Variants in RPS6KA2 observed in about 807,000 individuals in gnomAD.
RPS6KA2 encodes ribosomal protein S6 kinase A2.
In RPS6KA2, 42 loss-of-function variants were observed where a neutral mutation model predicts 91.8. The observed-to-expected ratio is 0.46, with a 90% CI of 0.36 to 0.59. The LOEUF (loss-of-function observed/expected upper bound fraction) is 0.59, where lower values mean the gene tolerates loss of function less well. Ranked by LOEUF, RPS6KA2 falls within the 20% of genes least tolerant of loss-of-function variation. The pLI is 0.00. For synonymous variants in RPS6KA2, 414 were observed against 393.6 expected (o/e 1.05, Z -0.61); for missense variants, 798 against 978.5 (o/e 0.82, Z 2.46).
intron 3 of RPS6KA2, among the ~76,000 whole-genome samples, chr6:166,523,714 G>A (rs997562447): frequency 6.6e-6 from 1 of 152,178 alleles, no homozygotes; most frequent in East Asian, 1.9e-4. Flanking sequence ...GCATATTATG[G>A]AAATACAATC....
At chr6:166,582,205 C>T (rs1483860109) in intron 1 of RPS6KA2, among the ~76,000 whole-genome samples, 1 of 151,636 alleles carries the variant, frequency 6.6e-6, no homozygotes, top group Non-Finnish European at 1.5e-5. Flanking sequence ...GGTGAGATGC[C>T]CATGGGCAGG....
At chr6:166,449,301 G>A (rs1041673717) in intron 13 of RPS6KA2, among the ~76,000 whole-genome samples, 5 of 151,988 alleles carry the variant, frequency 3.3e-5, no homozygotes, top group South Asian at 2.1e-4. Flanking sequence ...CCACCCACCC[G>A]CTCTTAACTA....
chr6:166,680,372 C>A (rs1788754540), intron 2 of RPS6KA2, among the ~76,000 whole-genome samples: 1 of 152,192 alleles, frequency 6.6e-6, no homozygotes, highest in Non-Finnish European at 1.5e-5. Flanking sequence ...ATGGACCAAT[C>A]AGCAGGATGT....
At chr6:166,555,899 T>C (rs1784163983) in intron 1 of RPS6KA2, among the ~76,000 whole-genome samples, 1 of 152,142 alleles carries the variant, frequency 6.6e-6, no homozygotes. Flanking sequence ...TAGAGGATGC[T>C]GCTCTAGGAA....
Position 166,679,292 on chromosome 6 carries a change from T to A in RPS6KA2, c.124-140508A>T, listed in dbSNP as rs1434048196. Among the ~76,000 whole-genome samples the A allele has an allele frequency of 6.2e-5, 9 of 144,026 alleles. 1 individual carries two copies. Among genetic ancestry groups the A allele is most frequent in the African/African-American group, 5.1e-5 (2 of 39,338 alleles). 94.5% of individuals were successfully genotyped at this position (144,026 alleles called of 152,430 possible). A position where few individuals can be genotyped will look rare whatever the true frequency, so the allele number is the denominator to read the frequency against. On this transcript the variant is annotated intron_variant, in intron 2 of 21. Transcript: ENST00000503859. ...AAGATGGCAAAACCCCAACTCTCTT[T>A]AAAAAAAAAAAAAATACAAAAATTA...
chr6:166,716,015 C>T (rs1483158254), intron 2 of RPS6KA2, among the ~76,000 whole-genome samples: 4 of 126,118 alleles, frequency 3.2e-5, no homozygotes, highest in African/African-American at 1.3e-4. Flanking sequence ...TACAGCCTGG[C>T]TGACAGAGTG....
intron 2 of RPS6KA2, among the ~76,000 whole-genome samples, chr6:166,739,723 T>C (rs1790759947): frequency 6.6e-6 from 1 of 152,202 alleles, no homozygotes; most frequent in Non-Finnish European, 1.5e-5. Flanking sequence ...AAGACTCCGG[T>C]GATGGGAGAG....
chr6:166,780,787 C>T (rs989440806), intron 2 of RPS6KA2, among the ~76,000 whole-genome samples: 1 of 152,126 alleles, frequency 6.6e-6, no homozygotes, highest in African/African-American at 2.4e-5. Flanking sequence ...AACTAAGACT[C>T]AGGGCAAAAA....
chr6:166,483,065 A>T (rs1562525477), intron 10 of RPS6KA2, among the ~76,000 whole-genome samples: 4 of 152,286 alleles, frequency 2.6e-5, no homozygotes, highest in African/African-American at 9.6e-5. Flanking sequence ...ATGCCCCAAG[A>T]CTCACAGCCT....
At chr6:166,507,755 C>T (rs1398909873) in intron 5 of RPS6KA2, among the ~76,000 whole-genome samples, 1 of 150,790 alleles carries the variant, frequency 6.6e-6, no homozygotes, top group Non-Finnish European at 1.5e-5. Flanking sequence ...AATCACACGC[C>T]TGACATATAC....
At chr6:166,546,166 C>T (rs1208622744) in intron 1 of RPS6KA2, among the ~76,000 whole-genome samples, 1 of 152,094 alleles carries the variant, frequency 6.6e-6, no homozygotes, top group African/African-American at 2.4e-5. Flanking sequence ...GGGAATGAGA[C>T]GGTAGCTACT....
At chr6:166,569,571 T>G (rs1405973453) in intron 1 of RPS6KA2, among the ~76,000 whole-genome samples, 2 of 152,124 alleles carry the variant, frequency 1.3e-5, no homozygotes, top group Admixed American at 6.5e-5. Flanking sequence ...CCTCTTGCCT[T>G]CTCCCTGGAC....
At chr6:166,705,375 C>T (rs61513772) in intron 2 of RPS6KA2, among the ~76,000 whole-genome samples, 27,695 of 152,150 alleles carry the variant, frequency 0.18, 2,654 homozygotes, top group African/African-American at 0.22. Context: ...CAGCCTCCTC[C>T]CTGGCCACAG....
chr6:166,730,190 C>T (rs765972533), intron 2 of RPS6KA2, among the ~76,000 whole-genome samples: 2 of 152,206 alleles, frequency 1.3e-5, no homozygotes, highest in Non-Finnish European at 2.9e-5. Flanking sequence ...GATTCTGTCT[C>T]GCTCAACTGT....
intron 2 of RPS6KA2, among the ~76,000 whole-genome samples, chr6:166,828,968 A>G (rs768173514): frequency 1.3e-5 from 2 of 152,248 alleles, no homozygotes; most frequent in Non-Finnish European, 2.9e-5. Flanking sequence ...AAAACCTCCT[A>G]CAACTTAATA....
intron 1 of RPS6KA2, among the ~76,000 whole-genome samples, chr6:166,618,981 G>A (rs1158700106): frequency 6.6e-6 from 1 of 152,048 alleles, no homozygotes; most frequent in Non-Finnish European, 1.5e-5. Context: ...CACAAGCCCT[G>A]TGCGTATGGG....
intron 2 of RPS6KA2, among the ~76,000 whole-genome samples, chr6:166,751,182 C>G (rs1330005773): frequency 6.6e-6 from 1 of 152,202 alleles, no homozygotes; most frequent in Admixed American, 6.5e-5. Flanking sequence ...GGAAGTTTTG[C>G]CAGCCCCGTG....
In RPS6KA2 at chr6:166,412,668, T is replaced by G. The variant is rs1015406345; in HGVS notation, c.*94A>C. The stretch of plus-strand genomic sequence containing the variant: ...GCGGGCGCCGCCTCCCTGCTGGACT[T>G]GTGGTCACTCTGGGTGCCAGACGGG... On this transcript the variant is annotated 3_prime_UTR_variant, in exon 21 of 21. Coordinates refer to ENST00000265678, the MANE Select transcript of RPS6KA2 (RefSeq NM_021135.6). The surrounding 1 kb of genome is among the most constrained non-coding windows in gnomAD (Gnocchi z 4.3). The G allele has an allele frequency of 1.2e-4, 156 of 1,294,580 alleles. 1 individual carries two copies. Among genetic ancestry groups the G allele is most frequent in the Non-Finnish European group, 2.4e-5 (23 of 959,996 alleles). The allele number at this position is 1,294,580 out of a possible 1,614,324, so 80.2% of individuals were successfully genotyped here. A position where few individuals can be genotyped will look rare whatever the true frequency, so the allele number is the denominator to read the frequency against.
chr6:166,810,830 T>A (rs1251189297), intron 2 of RPS6KA2, among the ~76,000 whole-genome samples: 1 of 152,204 alleles, frequency 6.6e-6, no homozygotes, highest in Non-Finnish European at 1.5e-5. Flanking sequence ...GCTGCCTCTT[T>A]CTGATCCTCA....
Sources: allele counts gnomAD v4.1 joint callset (sites outside exome capture counted in the v4.1 genomes callset), GRCh38; gene constraint gnomAD v4.1.1; non-coding constraint Gnocchi (gnomAD v3.1); transcripts MANE v1.5; gene names NCBI Gene and HGNC (gene_info 2026-07-23, HGNC 2026-07-21).